GSE1: variants seen among roughly 807,000 people sequenced by gnomAD.
GSE1 encodes the protein genetic suppressor element 1.
A neutral mutation model predicts 112.6 loss-of-function variants in GSE1; 32 were observed. That is an observed-to-expected ratio of 0.28 (90% CI 0.21 to 0.38). The LOEUF is 0.38. Ranked by LOEUF, GSE1 falls within the 10% of genes least tolerant of loss-of-function variation. The pLI, the probability that GSE1 is intolerant of heterozygous loss-of-function variation, is 1.00. For missense variants in GSE1, 2,348 were observed against 1,699.2 expected, an observed-to-expected ratio of 1.38 and a Z score of -6.71; for synonymous variants, 1,115 against 735.6, an observed-to-expected ratio of 1.52 and a Z score of -8.35.
At chr16:85,174,228 C>T (rs2074415672) in intron 1 of GSE1, among the ~76,000 whole-genome samples, 1 of 152,174 alleles carries the variant, frequency 6.6e-6, no homozygotes, top group Non-Finnish European at 1.5e-5. Context: ...AACTCCAGGC[C>T]TTGAAATCAG....
chr16:85,349,363 C>T (rs1439751923), intron 1 of GSE1, among the ~76,000 whole-genome samples: 2 of 152,180 alleles, frequency 1.3e-5, no homozygotes, highest in Admixed American at 1.3e-4. Flanking sequence ...CAAGAAATCC[C>T]ATCAGGGCAG....
chr16:85,463,428 G>T (rs1466948826), intron 2 of GSE1, among the ~76,000 whole-genome samples: 1 of 152,064 alleles, frequency 6.6e-6, no homozygotes, highest in African/African-American at 2.4e-5. Context: ...GTGTAGGGAA[G>T]TGGCCGGCGG....
intron 2 of GSE1, among the ~76,000 whole-genome samples, chr16:85,527,014 T>C (rs540626362): frequency 6.6e-6 from 1 of 152,298 alleles, no homozygotes; most frequent in African/African-American, 2.4e-5. Flanking sequence ...TGTAAAAATA[T>C]TGTCCGTGGT....
At chr16:85,633,846 C>T (rs553778330) in intron 1 of GSE1, 68 bp from the exon 2 acceptor site, 40 of 1,291,858 alleles carry the variant, frequency 3.1e-5, no homozygotes, top group South Asian at 1.3e-4. Flanking sequence ...CCGGCCCTGC[C>T]GACCCTGCTC....
At chr16:85,223,918 A>G (rs1332508624) in intron 1 of GSE1, among the ~76,000 whole-genome samples, 1 of 152,118 alleles carries the variant, frequency 6.6e-6, no homozygotes, top group Non-Finnish European at 1.5e-5. Flanking sequence ...CACTGTAACC[A>G]TTTTAAGGCA....
At chr16:85,170,748 A>G in exon 1 of GSE1, 1 of 985,444 alleles carries the variant, frequency 1.0e-6, no homozygotes, top group Middle Eastern at 5.2e-4. Flanking sequence ...GCCCGCCCCC[A>G]GGGGCACAGC....
intron 2 of GSE1, among the ~76,000 whole-genome samples, chr16:85,508,359 T>A (rs949301283): frequency 6.6e-6 from 1 of 152,144 alleles, no homozygotes; most frequent in African/African-American, 2.4e-5. Flanking sequence ...TCGGAACAGG[T>A]GATGTTCCAG....
In GSE1 at chr16:85,661,439, C is replaced by T. The variant is rs1419534976; in HGVS notation, c.1934C>T (p.Pro645Leu). ...GGGCCACGGAAGCGTGAGCCTGCCC[C>T]TCTGGACAAGTACCAGCCACCTCCG... ...EEGPRKREPA[P>L]LDKYQPPPPP... The change falls in exon 9 of 16, where the codon CCT becomes CTT. Residue 645 changes from proline (P) to leucine (L), a missense_variant. Coordinates refer to ENST00000253458, the MANE Select transcript of GSE1 (RefSeq NM_014615.5). 3.1e-6 allele frequency: 5 copies of T among 1,611,968 alleles called. No individual in the cohort carries two copies. The highest frequency in any genetic ancestry group is 2.7e-5 in the African/African-American group (2 of 74,946).
chr16:85,503,800 C>T (rs960272668), intron 2 of GSE1, among the ~76,000 whole-genome samples: 2 of 152,148 alleles, frequency 1.3e-5, no homozygotes, highest in Non-Finnish European at 2.9e-5. Context: ...AGAAGCCAAG[C>T]GGCCGTCATT....
chr16:85,309,837 C>A (rs866159982), intron 1 of GSE1, among the ~76,000 whole-genome samples: 2 of 152,256 alleles, frequency 1.3e-5, no homozygotes, highest in African/African-American at 4.8e-5. Flanking sequence ...CAAGAAACAT[C>A]CATTGTGCCC....
chr16:85,570,234 A>G (rs56280896), intron 1 of GSE1, among the ~76,000 whole-genome samples: 75,348 of 151,902 alleles, frequency 0.5, 19,569 homozygotes, highest in East Asian at 0.64. Flanking sequence ...GTCCATCTTC[A>G]AGGACCTTGG....
chr16:85,481,845 G>A (rs968416354), intron 2 of GSE1, among the ~76,000 whole-genome samples: 6 of 152,228 alleles, frequency 3.9e-5, no homozygotes, highest in African/African-American at 1.2e-4. Flanking sequence ...TGTTATTTGT[G>A]ATGTACCTAA....
chr16:85,373,827 C>T lies in GSE1; in HGVS notation c.2464+16184C>T, dbSNP rs539027551. The stretch of plus-strand genomic sequence containing the variant: ...GCAGGGTGATTGTGCTCCTGCCCCA[C>T]GGTGCCCCACGGTTACCACCGCCAC... On this transcript the variant is annotated intron_variant, in intron 2 of 2. Coordinates refer to the GSE1 transcript ENST00000637419. The surrounding 1 kb of genome is among the most constrained non-coding windows in gnomAD (Gnocchi z 5.1). Among the ~76,000 whole-genome samples, 3 of 152,272 alleles carry T rather than the reference C, an allele frequency of 2.0e-5. No homozygotes were observed. Among genetic ancestry groups the T allele is most frequent in the South Asian group, 2.1e-4 (1 of 4,826 alleles).
chr16:85,590,548 CGTGT>C (rs148010151), intron 1 of GSE1, among the ~76,000 whole-genome samples: 58 of 134,506 alleles, frequency 4.3e-4, no homozygotes, highest in Non-Finnish European at 8.1e-4. Context: ...TGTGACATTG[CGTGT>C]GTGACTGGGC....
chr16:85,573,638 T>G (rs555201979), intron 1 of GSE1, among the ~76,000 whole-genome samples: 2 of 152,158 alleles, frequency 1.3e-5, no homozygotes, highest in African/African-American at 2.4e-5. Flanking sequence ...ATTTGGAAAC[T>G]TGAAGGAGCT....
chr16:85,607,739 C>T (rs1286774390), upstream of GSE1, among the ~76,000 whole-genome samples: 2 of 152,232 alleles, frequency 1.3e-5, no homozygotes, highest in Non-Finnish European at 2.9e-5. Flanking sequence ...TCCCCTCTCT[C>T]CCTCCAGCCT....
At chr16:85,372,340 A>G (rs1410147828) in intron 2 of GSE1, among the ~76,000 whole-genome samples, 1 of 151,986 alleles carries the variant, frequency 6.6e-6, no homozygotes, top group Non-Finnish European at 1.5e-5. Context: ...TAAGCAGAGT[A>G]TGGTGGCTCA....
chr16:85,185,807 C>T (rs2074687948), intron 1 of GSE1, among the ~76,000 whole-genome samples: 1 of 152,250 alleles, frequency 6.6e-6, no homozygotes, highest in Non-Finnish European at 1.5e-5. Flanking sequence ...GGCCTCCTGC[C>T]CATGGTCTGA....
chr16:85,214,190 G>A (rs902877189), intron 1 of GSE1, among the ~76,000 whole-genome samples: 6 of 152,190 alleles, frequency 3.9e-5, no homozygotes, highest in African/African-American at 7.2e-5. Context: ...GCTCACCCAC[G>A]AGAGCAGCTC....
Sources: gnomAD v4.1 joint callset for allele counts (sites outside exome capture counted in the v4.1 genomes callset) on GRCh38, gnomAD v4.1.1 for gene constraint, Gnocchi (gnomAD v3.1) non-coding constraint, MANE v1.5 for transcripts, NCBI Gene and HGNC (gene_info 2026-07-23, HGNC 2026-07-21) for gene names.